Variants in DDHD1 observed in about 807,000 individuals in gnomAD.
DDHD1 encodes the protein phospholipase DDHD1.
Under a neutral mutation model 96.4 loss-of-function variants are expected in DDHD1, and 49 were observed. The observed-to-expected ratio is 0.51, with a 90% CI of 0.40 to 0.64. The LOEUF is 0.64. Ranked by LOEUF, DDHD1 falls within the 30% of genes least tolerant of loss-of-function variation. The probability of loss-of-function intolerance (pLI) is 0.00; values close to 1 mark genes in which losing one functional copy is unlikely to be tolerated. For synonymous variants in DDHD1, 442 were observed against 446.5 expected (o/e 0.99, Z 0.13); for missense variants, 1,106 against 1,161.2 (o/e 0.95, Z 0.69).
At chr14:53,138,627 G>A (rs1005280171) in intron 1 of DDHD1, among the ~76,000 whole-genome samples, 1 of 152,090 alleles carries the variant, frequency 6.6e-6, no homozygotes, top group African/African-American at 2.4e-5. Flanking sequence ...AGGTCACAGT[G>A]CAACTAACTA....
chr14:53,100,237 G>A (rs1168167742), intron 2 of DDHD1, among the ~76,000 whole-genome samples: 1 of 151,930 alleles, frequency 6.6e-6, no homozygotes, highest in East Asian at 1.9e-4. Flanking sequence ...CACTTTGTGG[G>A]GGCTGAAGCA....
rs1013776746 is a variant in DDHD1, at chr14:53,076,174, CTG to C, written c.1290-2329_1290-2328del. ...AGTGGATGAATCTGGGCAAAGTAAA[CTG>C]AAAGTATTCCGGAAGGAACTCATCA... On this transcript the variant is annotated intron_variant, in intron 4 of 12. Coordinates refer to ENST00000673822, the MANE Select transcript of DDHD1 (RefSeq NM_001160148.2). 1.5e-4 allele frequency among the ~76,000 whole-genome samples: 23 copies of C among 151,466 alleles called. No homozygotes were observed. The Middle Eastern group carries it at 0.01, about 67-fold the overall frequency.
chr14:53,088,086 G>A (rs1000901236), intron 4 of DDHD1, among the ~76,000 whole-genome samples: 1 of 152,064 alleles, frequency 6.6e-6, no homozygotes, highest in African/African-American at 2.4e-5. Context: ...TAAATTCCTG[G>A]ACACATACAC....
In DDHD1 at chr14:53,091,815, T is replaced by A; in HGVS notation, c.1259A>T (p.Asp420Val). Residue 420 changes from aspartate (D) to valine (V), a missense_variant, in exon 4 of 13, where the codon GAC (aspartate) becomes GTC (valine). This residue lies in a region of DDHD1 where 650 missense variants were observed against 758.8 expected (regional missense o/e 0.86). Coordinates refer to ENST00000673822, the MANE Select transcript of DDHD1 (RefSeq NM_001160148.2). Reference sequence around the variant, plus strand: ...TGTATTTTTGATAATTCTTCCTTGGTCCATTTTCTGCCCAATGCCATGCAC... The same window carrying A: ...TGTATTTTTGATAATTCTTCCTTGGACCATTTTCTGCCCAATGCCATGCAC... ...FVVHGIGQKM[D>V]QGRIIKNTAM... The A allele has an allele frequency of 6.2e-7, 1 of 1,613,564 alleles. No individual in the cohort carries two copies. Among genetic ancestry groups the A allele is most frequent in the Non-Finnish European group, 8.5e-7 (1 of 1,179,710 alleles).
intron 1 of DDHD1, among the ~76,000 whole-genome samples, chr14:53,120,545 C>G (rs545660784): frequency 6.6e-6 from 1 of 152,286 alleles, no homozygotes; most frequent in South Asian, 2.1e-4. Context: ...TGACTTCAAA[C>G]TATACTACAA....
In DDHD1 at chr14:53,152,343, C is replaced by T. The variant is rs1169901054; in HGVS notation, c.756G>A (p.Val252=). 3 of 1,613,860 alleles carry T rather than the reference C, an allele frequency of 1.9e-6. No homozygotes were observed. Among genetic ancestry groups the T allele is most frequent in the Admixed American group, 1.7e-5 (1 of 60,008 alleles). Residue 252 remains valine (V), a synonymous_variant, in exon 1 of 13, where the codon GTG becomes GTA. Transcript: ENST00000673822. Reference sequence around the variant, plus strand: ...CCCGCACGCACACAGGCTCGATGTTCACAAGCTCCACCATCTCCGGCTCGT... The same window carrying T: ...CCCGCACGCACACAGGCTCGATGTTTACAAGCTCCACCATCTCCGGCTCGT... ...TGHEPEMVEL[V]NIEPVCVRGG... is the part of the protein sequence containing the mutation.
chr14:53,094,591 G>A (rs1029467621), intron 2 of DDHD1, among the ~76,000 whole-genome samples: 12 of 151,900 alleles, frequency 7.9e-5, no homozygotes, highest in African/African-American at 2.9e-4. Flanking sequence ...TGTGGTTCCA[G>A]CTACTTGGGA....
chr14:53,055,931 A>T lies in DDHD1; in HGVS notation c.1993-19T>A, dbSNP rs182455396. ...TATAAGCCTTGATTTAAAAAAAAAA[A>T]TTCAAAGAAACACAGTGTTAAATCA... On this transcript the variant is annotated intron_variant, in intron 9 of 12. Coordinates refer to ENST00000673822, the MANE Select transcript of DDHD1 (RefSeq NM_001160148.2). The T allele has an allele frequency of 9.5e-6, 15 of 1,585,286 alleles. No individual in the cohort carries two copies. In the East Asian group the frequency reaches 3.1e-4, roughly 33 times the overall value.
At chr14:53,052,871 C>A (rs1882723334) in intron 11 of DDHD1, 1 of 151,650 alleles carries the variant, frequency 6.6e-6, no homozygotes, top group African/African-American at 2.4e-5. Context: ...TTTTGTTAAG[C>A]TCTCAAAATA....
intron 1 of DDHD1, among the ~76,000 whole-genome samples, chr14:53,141,842 T>C (rs1248512327): frequency 1.3e-5 from 2 of 152,204 alleles, no homozygotes; most frequent in African/African-American, 4.8e-5. Flanking sequence ...GTATATATGG[T>C]TATCAAGTAT....
chr14:53,077,662 TGTTTTTG>T lies in DDHD1; in HGVS notation c.1290-3822_1290-3816del, dbSNP rs1459696120. ...CTTTTGACACAACTTCATTAGTTTT[TGTTTTTG>T]TTTTTTTTTTTTAAAAAACAATTGT... On this transcript the variant is annotated intron_variant, in intron 4 of 12. Transcript: ENST00000673822. 3.9e-3 allele frequency among the ~76,000 whole-genome samples: 318 copies of T among 81,478 alleles called. 1 individual carries two copies. The highest frequency in any genetic ancestry group is 0.01 in the African/African-American group (299 of 28,726). 53.5% of individuals were successfully genotyped at this position (81,478 alleles called of 152,430 possible).
rs1040966715 is a variant in DDHD1, at chr14:53,036,755, T to C, written c.*10013A>G. The stretch of plus-strand genomic sequence containing the variant: ...ACCAGTGCAATTATTGAGAAACATA[T>C]TGCTTTTGTGTTTTTTAATAAAAAA... On this transcript the variant is annotated 3_prime_UTR_variant, in exon 13 of 13. Transcript: ENST00000673822. The C allele has an allele frequency of 6.6e-6, 1 of 152,052 alleles. No homozygotes were observed. Among genetic ancestry groups the C allele is most frequent in the Admixed American group, 6.6e-5 (1 of 15,254 alleles). The allele number at this position is 152,052 out of a possible 1,614,324, so 9.4% of individuals were successfully genotyped here.
At chr14:53,080,060 T>C (rs988102253) in intron 4 of DDHD1, among the ~76,000 whole-genome samples, 1 of 152,212 alleles carries the variant, frequency 6.6e-6, no homozygotes, top group African/African-American at 2.4e-5. Flanking sequence ...GCTAATCTGA[T>C]AGTTAAGAAA....
At position 53,074,315 on chromosome 14, in the gene DDHD1, A is replaced by G. The variant is rs555283254; in HGVS notation, c.1290-468T>C. On this transcript the variant is annotated intron_variant, in intron 4 of 12. Coordinates refer to ENST00000673822, the MANE Select transcript of DDHD1 (RefSeq NM_001160148.2). ...GTGTCAGTTATATAAATTTTAGCAC[A>G]TGTGCAGATTTGTGATTAGTATTAC... Among the ~76,000 whole-genome samples the G allele has an allele frequency of 6.9e-3, 1,045 of 151,826 alleles. 4 individuals are homozygous for G. The highest frequency in any genetic ancestry group is 0.012 in the Non-Finnish European group (783 of 67,882).
chr14:53,137,330 G>A (rs543071185), intron 1 of DDHD1, among the ~76,000 whole-genome samples: 2 of 152,304 alleles, frequency 1.3e-5, no homozygotes, highest in South Asian at 2.1e-4. Context: ...GGTGGCTCAC[G>A]CCTGAAATCC....
intron 6 of DDHD1, among the ~76,000 whole-genome samples, chr14:53,068,362 C>T (rs1884226331): frequency 6.6e-6 from 1 of 150,964 alleles, no homozygotes; most frequent in Non-Finnish European, 1.5e-5. Flanking sequence ...TCCTCGGCCT[C>T]AGCATTCCGA....
At chr14:53,076,155 T>C (rs1378309888) in intron 4 of DDHD1, among the ~76,000 whole-genome samples, 1 of 151,932 alleles carries the variant, frequency 6.6e-6, no homozygotes, top group African/African-American at 2.4e-5. Flanking sequence ...AGATAGTGGA[T>C]GAATCTGGGC....
rs1881834244 is a variant in DDHD1, at chr14:53,043,929, T to A, written c.*2839A>T. ...AGCTAACTAAAGTTCAGTGATCTAA[T>A]CAGTACTTGGGAGAATCATCATAGC... On this transcript the variant is annotated 3_prime_UTR_variant, in exon 13 of 13. Coordinates refer to ENST00000673822, the MANE Select transcript of DDHD1 (RefSeq NM_001160148.2). 6.6e-6 allele frequency: 1 copy of A among 152,200 alleles called. No homozygotes were observed. The highest frequency in any genetic ancestry group is 2.4e-5 in the African/African-American group (1 of 41,450). The allele number at this position is 152,200 out of a possible 1,614,324, so 9.4% of individuals were successfully genotyped here.
intron 1 of DDHD1, among the ~76,000 whole-genome samples, chr14:53,129,938 C>A (rs1889739883): frequency 6.6e-6 from 1 of 152,188 alleles, no homozygotes; most frequent in African/African-American, 2.4e-5. Flanking sequence ...TCCAGGCATT[C>A]TTTTACACAT....
Sources: gnomAD v4.1 joint callset for allele counts (sites outside exome capture counted in the v4.1 genomes callset) on GRCh38, gnomAD v4.1.1 for gene constraint, gnomAD v4.1.1 regional missense constraint, MANE v1.5 for transcripts, NCBI Gene and HGNC (gene_info 2026-07-23, HGNC 2026-07-21) for gene names.